The following HSF5 variants were observed in gnomAD, a reference collection of about 807,000 sequenced individuals.
HSF5 encodes heat shock factor protein 5.
A neutral mutation model predicts 50.8 loss-of-function variants in HSF5; 5 were observed. That is an observed-to-expected ratio of 0.10 (90% CI 0.05 to 0.21). The LOEUF is 0.21. Ranked by LOEUF, HSF5 falls within the 10% of genes least tolerant of loss-of-function variation. HSF5 has a pLI of 1.00. For synonymous variants in HSF5, 307 were observed against 307.4 expected (o/e 1.00, Z 0.02); for missense variants, 564 against 762.6 (o/e 0.74, Z 3.07).
chr17:58,455,461 AC>A (rs1196103681), intron 5 of HSF5, among the ~76,000 whole-genome samples: 1 of 152,180 alleles, frequency 6.6e-6, no homozygotes, highest in Non-Finnish European at 1.5e-5. Flanking sequence ...GGCAACAAAA[AC>A]AAAAATGGAC....
intron 5 of HSF5, among the ~76,000 whole-genome samples, chr17:58,445,047 C>G (rs962878882): frequency 6.6e-6 from 1 of 152,074 alleles, no homozygotes; most frequent in African/African-American, 2.4e-5. Context: ...AGGTATCTAT[C>G]AGCTCATGCT....
chr17:58,453,207 A>G (rs1974664057), intron 5 of HSF5, among the ~76,000 whole-genome samples: 1 of 152,336 alleles, frequency 6.6e-6, no homozygotes, highest in Non-Finnish European at 1.5e-5. Flanking sequence ...GCATTACCCT[A>G]ATACCAAAAC....
At chr17:58,449,004 T>G (rs1209319081) in intron 5 of HSF5, among the ~76,000 whole-genome samples, 1 of 152,230 alleles carries the variant, frequency 6.6e-6, no homozygotes, top group South Asian at 2.1e-4. Flanking sequence ...GTATAGAGTT[T>G]AAGGGTTTCT....
intron 5 of HSF5, among the ~76,000 whole-genome samples, chr17:58,428,806 T>G (rs1974329510): frequency 6.6e-6 from 1 of 152,154 alleles, no homozygotes; most frequent in Admixed American, 6.5e-5. Flanking sequence ...TGTAAAACAG[T>G]TCAGCCATTA....
At chr17:58,437,659 G>A (rs1485477126) in intron 5 of HSF5, among the ~76,000 whole-genome samples, 1 of 152,050 alleles carries the variant, frequency 6.6e-6, no homozygotes, top group Admixed American at 6.6e-5. Flanking sequence ...TAGAAAGGGG[G>A]TTGTGCTAGA....
rs189627682 is a variant in HSF5 at position 58,455,060 on chromosome 17, T to C, written c.1720+3708A>G. ...AAGAACAGAGCTGGAGGCATCACCCTACCTGATTTCAAAATACACTACCAA... is the reference window on the plus strand; with the variant it reads ...AAGAACAGAGCTGGAGGCATCACCCCACCTGATTTCAAAATACACTACCAA... On this transcript the variant is annotated intron_variant, in intron 5 of 5. Coordinates refer to ENST00000323777, the MANE Select transcript of HSF5 (RefSeq NM_001080439.3). Among the ~76,000 whole-genome samples, 190 of 152,288 alleles carry C rather than the reference T, an allele frequency of 1.2e-3. No homozygotes were observed. In the Middle Eastern group the frequency reaches 0.024, roughly 19 times the overall value.
At chr17:58,430,340 A>AGG (rs931852339) in intron 5 of HSF5, among the ~76,000 whole-genome samples, 2 of 152,092 alleles carry the variant, frequency 1.3e-5, no homozygotes, top group Non-Finnish European at 2.9e-5. Context: ...CCAAAGTACT[A>AGG]GGATTACAGG....
Position 58,488,383 on chromosome 17 carries a change from C to A in HSF5, c.-109G>T. 2 of 1,322,754 alleles carry A rather than the reference C, an allele frequency of 1.5e-6. No individual in the cohort carries two copies. The highest frequency in any genetic ancestry group is 1.9e-6 in the Non-Finnish European group (2 of 1,043,186). The allele number at this position is 1,322,754 out of a possible 1,614,324, so 81.9% of individuals were successfully genotyped here. The stretch of plus-strand genomic sequence containing the variant: ...GCCCGCTCCTGCCGGCGCCCATCCG[C>A]CGCGTACCAGGGACCGTTGGCGCAC... On this transcript the variant is annotated 5_prime_UTR_variant, in exon 1 of 6. Coordinates refer to ENST00000323777, the MANE Select transcript of HSF5 (RefSeq NM_001080439.3). The surrounding 1 kb of genome is among the most constrained non-coding windows in gnomAD (Gnocchi z 4.1).
chr17:58,448,719 T>C (rs1237849778), intron 5 of HSF5, among the ~76,000 whole-genome samples: 1 of 150,916 alleles, frequency 6.6e-6, no homozygotes, highest in Non-Finnish European at 1.5e-5. Context: ...CCTGTTTTAC[T>C]AGAAATGTTA....
At chr17:58,463,699 T>C (rs1034690983) in intron 3 of HSF5, among the ~76,000 whole-genome samples, 8 of 152,206 alleles carry the variant, frequency 5.3e-5, no homozygotes, top group Non-Finnish European at 1.0e-4. Context: ...AGTAAGGAAA[T>C]TTCAAACACA....
intron 5 of HSF5, among the ~76,000 whole-genome samples, chr17:58,431,277 A>G (rs1300863946): frequency 6.6e-6 from 1 of 152,216 alleles, no homozygotes; most frequent in Non-Finnish European, 1.5e-5. Context: ...ACTAACACAC[A>G]TACCAAGGCT....
chr17:58,476,967 A>G (rs1975020406), intron 2 of HSF5: 1 of 633,620 alleles, frequency 1.6e-6, no homozygotes, highest in East Asian at 2.7e-5. Flanking sequence ...CGGTTGGGAG[A>G]CGGGGGCGGG....
intron 2 of HSF5, chr17:58,476,503 C>A: frequency 8.6e-7 from 1 of 1,157,220 alleles, no homozygotes; most frequent in East Asian, 2.3e-5. Context: ...AGATGGATCA[C>A]CACTCTTATT....
At chr17:58,442,546 A>G (rs1461374668) in intron 5 of HSF5, among the ~76,000 whole-genome samples, 2 of 152,174 alleles carry the variant, frequency 1.3e-5, no homozygotes, top group Admixed American at 6.5e-5. Context: ...TTTTACTATA[A>G]AATAGTGCAA....
At chr17:58,428,967 G>A (rs1007807082) in intron 5 of HSF5, among the ~76,000 whole-genome samples, 4 of 152,078 alleles carry the variant, frequency 2.6e-5, no homozygotes, top group Non-Finnish European at 5.9e-5. Context: ...ATTCACAATA[G>A]GCAAAACATA....
At chr17:58,435,976 A>C (rs1186656794) in intron 5 of HSF5, among the ~76,000 whole-genome samples, 1 of 152,042 alleles carries the variant, frequency 6.6e-6, no homozygotes, top group African/African-American at 2.4e-5. Flanking sequence ...ACTACTTACT[A>C]TGTAACCCAG....
At chr17:58,425,589 A>C (rs1485507865) in intron 5 of HSF5, among the ~76,000 whole-genome samples, 4 of 150,846 alleles carry the variant, frequency 2.7e-5, no homozygotes, top group South Asian at 2.1e-4. Flanking sequence ...AAAAAAAAAA[A>C]AAAAAAAAAA....
chr17:58,465,554 T>C (rs1205971707), intron 3 of HSF5, among the ~76,000 whole-genome samples: 1 of 151,022 alleles, frequency 6.6e-6, no homozygotes, highest in Non-Finnish European at 1.5e-5. Flanking sequence ...GCCAGCTAAG[T>C]CCCCTTGATC....
At chr17:58,465,852 A>G (rs1452057060) in intron 3 of HSF5, among the ~76,000 whole-genome samples, 1 of 152,192 alleles carries the variant, frequency 6.6e-6, no homozygotes, top group Non-Finnish European at 1.5e-5. Flanking sequence ...GTCTCCTAAG[A>G]AACAATGAGA....
Sources: gnomAD v4.1 joint callset for allele counts (sites outside exome capture counted in the v4.1 genomes callset) on GRCh38, gnomAD v4.1.1 for gene constraint, Gnocchi (gnomAD v3.1) non-coding constraint, MANE v1.5 for transcripts, NCBI Gene and HGNC (gene_info 2026-07-23, HGNC 2026-07-21) for gene names.